Variants in CECR2 observed in about 807,000 individuals in gnomAD.
CECR2 encodes CECR2 histone acetyl-lysine reader.
Under a neutral mutation model 154.5 loss-of-function variants are expected in CECR2, and 30 were observed. The observed-to-expected ratio is 0.19, with a 90% CI of 0.15 to 0.26. The LOEUF (loss-of-function observed/expected upper bound fraction) is 0.26. Ranked by LOEUF, CECR2 falls within the 10% of genes least tolerant of loss-of-function variation. The probability of loss-of-function intolerance (pLI) is 1.00; values close to 1 mark genes in which losing one functional copy is unlikely to be tolerated. For synonymous variants in CECR2, 725 were observed against 683.7 expected (o/e 1.06, Z -0.94); for missense variants, 1,743 against 1,829.3 (o/e 0.95, Z 0.86).
intron 1 of CECR2, among the ~76,000 whole-genome samples, chr22:17,459,937 A>G (rs2054911600): frequency 6.6e-6 from 1 of 152,190 alleles, no homozygotes; most frequent in African/African-American, 2.4e-5. Context: ...ATGTATTTAT[A>G]CCAGTAGCAG....
At chr22:17,547,032 C>A in intron 16 of CECR2, among the ~76,000 whole-genome samples, 1 of 113,318 alleles carries the variant, frequency 8.8e-6, no homozygotes. Context: ...GAGTGAGACT[C>A]TGCCTCAAAA....
chr22:17,482,115 C>CAAAAAA lies in CECR2; in HGVS notation c.221+4454_221+4459dup, dbSNP rs869050391. Among the ~76,000 whole-genome samples, 28 of 76,318 alleles carry CAAAAAA rather than the reference C, an allele frequency of 3.7e-4. No homozygotes were observed. The East Asian group carries it at 8.6e-3, about 23-fold the overall frequency. The allele number at this position is 76,318 out of a possible 152,430, so 50.1% of individuals were successfully genotyped here. On this transcript the variant is annotated intron_variant, in intron 2 of 18. Transcript: ENST00000262608. ...GGGTGACAGATCGAGACTCTGTCTC[C>CAAAAAA]AAAAAAAAAAAAAAAAAAAAAAAAA...
chr22:17,372,956 G>T (rs1279474163), intron 1 of CECR2, among the ~76,000 whole-genome samples: 1 of 152,168 alleles, frequency 6.6e-6, no homozygotes, highest in South Asian at 2.1e-4. Flanking sequence ...TCTAAGACAG[G>T]TGAAGGGCTG....
intron 2 of CECR2, among the ~76,000 whole-genome samples, chr22:17,478,404 G>A (rs967254416): frequency 6.5e-5 from 9 of 138,574 alleles, no homozygotes; most frequent in African/African-American, 2.1e-4. Flanking sequence ...CGCCCAGGCT[G>A]GAGTGCAGTG....
chr22:17,385,525 T>G (rs568232629), intron 1 of CECR2, among the ~76,000 whole-genome samples: 15 of 152,354 alleles, frequency 9.8e-5, no homozygotes, highest in African/African-American at 3.6e-4. Flanking sequence ...CAATTGAGTT[T>G]GCTGTTTTAT....
intron 1 of CECR2, among the ~76,000 whole-genome samples, chr22:17,380,783 A>T (rs1263202164): frequency 6.6e-6 from 1 of 152,228 alleles, no homozygotes; most frequent in Non-Finnish European, 1.5e-5. Context: ...AAGTTCTTAG[A>T]ATTGAAAAAT....
intron 1 of CECR2, among the ~76,000 whole-genome samples, chr22:17,363,008 C>T (rs2062984697): frequency 6.6e-6 from 1 of 150,534 alleles, no homozygotes. Context: ...CATCCTGTGT[C>T]ACGTCCTTTG....
chr22:17,407,606 A>G (rs2054004722), intron 1 of CECR2, among the ~76,000 whole-genome samples: 1 of 151,934 alleles, frequency 6.6e-6, no homozygotes, highest in Non-Finnish European at 1.5e-5. Flanking sequence ...AAAAAAAAAA[A>G]GCCATGAATT....
intron 1 of CECR2, chr22:17,419,055 GA>G (rs1390564615): frequency 6.2e-6 from 1 of 161,376 alleles, no homozygotes; most frequent in East Asian, 1.8e-4. Context: ...CCCAGACGCG[GA>G]TGACGTGGCT....
chr22:17,380,700 A>G (rs1225380238), intron 1 of CECR2, among the ~76,000 whole-genome samples: 2 of 152,218 alleles, frequency 1.3e-5, no homozygotes, highest in Non-Finnish European at 2.9e-5. Flanking sequence ...TGGGGCCACA[A>G]TTAAGCTCAC....
At chr22:17,543,111 GTTTA>G in intron 16 of CECR2, 108 bp downstream of exon 16, 1 of 1,309,238 alleles carries the variant, frequency 7.6e-7, no homozygotes, top group Non-Finnish European at 1.0e-6. Context: ...CTCTTTCTTT[GTTTA>G]TTTTTTGGTT....
At chr22:17,486,524 G>T (rs1010695870) in intron 2 of CECR2, among the ~76,000 whole-genome samples, 1 of 152,174 alleles carries the variant, frequency 6.6e-6, no homozygotes, top group Non-Finnish European at 1.5e-5. Context: ...CTTGGATGAA[G>T]CGTCAGCCAC....
chr22:17,411,121 G>T (rs1221305057), intron 1 of CECR2, among the ~76,000 whole-genome samples: 1 of 152,172 alleles, frequency 6.6e-6, no homozygotes, highest in African/African-American at 2.4e-5. Flanking sequence ...GACTGGCCGT[G>T]TATTATATTA....
intron 9 of CECR2, among the ~76,000 whole-genome samples, chr22:17,535,456 C>T (rs1376054449): frequency 6.6e-6 from 1 of 152,152 alleles, no homozygotes; most frequent in Non-Finnish European, 1.5e-5. Context: ...TCCTTACACA[C>T]ATGCTTGAGA....
intron 9 of CECR2, among the ~76,000 whole-genome samples, chr22:17,536,482 C>G (rs2056438934): frequency 1.3e-5 from 2 of 152,220 alleles, no homozygotes; most frequent in Non-Finnish European, 2.9e-5. Flanking sequence ...TCCCTGCCTT[C>G]CAGCTCCTTG....
intron 1 of CECR2, among the ~76,000 whole-genome samples, chr22:17,420,212 CA>C (rs2054224905): frequency 6.6e-6 from 1 of 152,330 alleles, no homozygotes; most frequent in African/African-American, 2.4e-5. Context: ...CCATTTCAGG[CA>C]GCATAAGTAA....
intron 1 of CECR2, among the ~76,000 whole-genome samples, chr22:17,459,684 AATT>A (rs2054907744): frequency 1.3e-5 from 2 of 152,162 alleles, no homozygotes; most frequent in African/African-American, 4.8e-5. Context: ...CACATGCCAA[AATT>A]ATTATAGTTG....
chr22:17,467,455 C>T (rs550900387), intron 1 of CECR2, among the ~76,000 whole-genome samples: 1 of 152,112 alleles, frequency 6.6e-6, no homozygotes, highest in Non-Finnish European at 1.5e-5. Flanking sequence ...GAGCAGATTC[C>T]TCAATCTGGC....
chr22:17,528,731 T>G (rs1215919648), intron 9 of CECR2, among the ~76,000 whole-genome samples: 1 of 152,122 alleles, frequency 6.6e-6, no homozygotes, highest in Non-Finnish European at 1.5e-5. Flanking sequence ...AGATGGGGTT[T>G]TGCCGTGTTG....
Sources: gnomAD v4.1 joint callset for allele counts (sites outside exome capture counted in the v4.1 genomes callset) on GRCh38, gnomAD v4.1.1 for gene constraint, MANE v1.5 for transcripts, NCBI Gene and HGNC (gene_info 2026-07-23, HGNC 2026-07-21) for gene names.